Variants in NEGR1 observed in about 807,000 individuals in gnomAD.
The protein encoded by NEGR1 is IgLON family member 4.
A neutral mutation model predicts 40.9 loss-of-function variants in NEGR1; 10 were observed. That is an observed-to-expected ratio of 0.24 (90% CI 0.15 to 0.42). NEGR1 has a LOEUF of 0.42. Ranked by LOEUF, NEGR1 falls within the 10% of genes least tolerant of loss-of-function variation. NEGR1 has a pLI of 1.00. For missense variants in NEGR1, 352 were observed against 438.9 expected (o/e 0.80, Z 1.77); for synonymous variants, 185 against 166.8 (o/e 1.11, Z -0.84).
In NEGR1 at chr1:71,932,781, C is replaced by A. The variant is rs566241304; in HGVS notation, c.409+2298G>T. On this transcript the variant is annotated intron_variant, in intron 2 of 6. Transcript: ENST00000357731. ...AAAGAGCATATGCTTCAAAACTATGCTGATACCCCTGAGCATCAGACAATC... is the reference window on the plus strand; with the variant it reads ...AAAGAGCATATGCTTCAAAACTATGATGATACCCCTGAGCATCAGACAATC... 1.4e-3 allele frequency among the ~76,000 whole-genome samples: 219 copies of A among 152,170 alleles called. 2 individuals carry two copies. Among genetic ancestry groups the A allele is most frequent in the African/African-American group, 5.1e-3 (210 of 41,554 alleles).
chr1:72,087,883 TG>T, intron 1 of NEGR1, among the ~76,000 whole-genome samples: 1 of 151,690 alleles, frequency 6.6e-6, no homozygotes, highest in East Asian at 2.0e-4. Flanking sequence ...TCTGAGTCAC[TG>T]CACCCTGCCA....
rs3795696 is a variant in NEGR1, at chr1:71,592,860, A to T, written c.897T>A (p.Ala299=). The part of the protein sequence containing the change: ...QEHFGNYTCV[A]ANKLGTTNAS... ...CATTGGTTGTGCCTAGCTTGTTGGC[A>T]GCCACACAGGTATAATTGCCGAAGT... The change falls in exon 6 of 7, where the codon GCT becomes GCA. Residue 299 remains alanine (A), a synonymous_variant. Coordinates refer to ENST00000357731, the MANE Select transcript of NEGR1 (RefSeq NM_173808.3). 0.014 allele frequency: 22,416 copies of T among 1,613,452 alleles called. 1,089 individuals carry two copies. Among genetic ancestry groups the T allele is most frequent in the African/African-American group, 0.11 (8,481 of 74,986 alleles).
intron 1 of NEGR1, among the ~76,000 whole-genome samples, chr1:72,103,388 A>G (rs1326129156): frequency 1.3e-5 from 2 of 152,134 alleles, no homozygotes; most frequent in African/African-American, 4.8e-5. Context: ...ATAAAAAGCA[A>G]TTCAGGATGT....
intron 1 of NEGR1, among the ~76,000 whole-genome samples, chr1:71,942,431 T>G (rs1305284185): frequency 1.7e-5 from 2 of 118,944 alleles, no homozygotes; most frequent in Non-Finnish European, 3.4e-5. Flanking sequence ...TTTACTTTAA[T>G]GCACAACTTA....
chr1:71,846,635 C>T (rs1396248355), intron 2 of NEGR1, among the ~76,000 whole-genome samples: 1 of 152,112 alleles, frequency 6.6e-6, no homozygotes, highest in African/African-American at 2.4e-5. Flanking sequence ...TTAGTCCATT[C>T]AGGCTGCTGT....
chr1:71,944,465 G>A (rs941261408), intron 1 of NEGR1, among the ~76,000 whole-genome samples: 1 of 152,054 alleles, frequency 6.6e-6, no homozygotes, highest in African/African-American at 2.4e-5. Context: ...AGTAAGAACA[G>A]TATCAGCAAT....
chr1:71,945,106 TAAC>T (rs1437858721), intron 1 of NEGR1, among the ~76,000 whole-genome samples: 2 of 152,164 alleles, frequency 1.3e-5, no homozygotes, highest in Non-Finnish European at 2.9e-5. Context: ...AACTTTTCCT[TAAC>T]AAACTGTGTA....
At chr1:71,826,342 T>C (rs913207444) in intron 2 of NEGR1, among the ~76,000 whole-genome samples, 1 of 151,932 alleles carries the variant, frequency 6.6e-6, no homozygotes, top group Admixed American at 6.6e-5. Context: ...AGTTTACTTT[T>C]CTTACCACAA....
intron 2 of NEGR1, among the ~76,000 whole-genome samples, chr1:71,898,898 A>AATATATATATATATTGCAAAT (rs1258539926): frequency 2.9e-5 from 4 of 136,456 alleles, no homozygotes; most frequent in Admixed American, 7.4e-5. Flanking sequence ...ATATATTGCA[A>AATATATATATATATTGCAAAT]ATATATATAT....
intron 6 of NEGR1, among the ~76,000 whole-genome samples, chr1:71,589,518 G>C (rs536305560): frequency 6.6e-6 from 1 of 151,972 alleles, no homozygotes; most frequent in South Asian, 2.1e-4. Context: ...ATCTAGAAAT[G>C]ACCTAATTTT....
chr1:71,800,436 G>A (rs72948024), intron 2 of NEGR1, among the ~76,000 whole-genome samples: 1 of 152,034 alleles, frequency 6.6e-6, no homozygotes, highest in African/African-American at 2.4e-5. Context: ...CCTATGTCCT[G>A]AATGGTATTG....
chr1:71,672,572 C>T (rs1222004624), intron 4 of NEGR1, among the ~76,000 whole-genome samples: 1 of 152,086 alleles, frequency 6.6e-6, no homozygotes, highest in East Asian at 1.9e-4. Flanking sequence ...GTCAATTAAT[C>T]AGTGTGCTAG....
intron 1 of NEGR1, among the ~76,000 whole-genome samples, chr1:71,955,137 T>C (rs1328684278): frequency 6.6e-6 from 1 of 152,170 alleles, no homozygotes; most frequent in African/African-American, 2.4e-5. Context: ...TAAGATATCC[T>C]TCAAATTATC....
intron 1 of NEGR1, among the ~76,000 whole-genome samples, chr1:72,256,345 T>C (rs1158057056): frequency 6.6e-6 from 1 of 152,224 alleles, no homozygotes; most frequent in Admixed American, 6.5e-5. Flanking sequence ...CAAACAAGTC[T>C]GTTTTCACTG....
intron 4 of NEGR1, among the ~76,000 whole-genome samples, chr1:71,635,260 C>T (rs1337234058): frequency 1.3e-5 from 2 of 152,074 alleles, no homozygotes; most frequent in Non-Finnish European, 1.5e-5. Context: ...AAAGAAGCCT[C>T]TCCCGACTTT....
chr1:71,708,391 C>T (rs1039686165), intron 3 of NEGR1, among the ~76,000 whole-genome samples: 3 of 151,762 alleles, frequency 2.0e-5, no homozygotes, highest in East Asian at 2.0e-4. Flanking sequence ...TTGGAGTGCT[C>T]TAATAGCAGA....
At chr1:71,605,788 C>T (rs1650056956) in intron 5 of NEGR1, among the ~76,000 whole-genome samples, 1 of 152,180 alleles carries the variant, frequency 6.6e-6, no homozygotes, top group South Asian at 2.1e-4. Context: ...CATTGATACT[C>T]TTCATTCCAG....
chr1:71,509,675 T>C (rs1245093808), intron 6 of NEGR1, among the ~76,000 whole-genome samples: 1 of 152,214 alleles, frequency 6.6e-6, no homozygotes, highest in Non-Finnish European at 1.5e-5. Flanking sequence ...TCCCAATATA[T>C]ATGTTAACTC....
At chr1:71,467,405 A>T (rs1396838823) in intron 6 of NEGR1, among the ~76,000 whole-genome samples, 1 of 152,118 alleles carries the variant, frequency 6.6e-6, no homozygotes, top group Non-Finnish European at 1.5e-5. Flanking sequence ...TTGTGCTTGT[A>T]TTTCAAAGTC....
Sources: allele counts gnomAD v4.1 joint callset (sites outside exome capture counted in the v4.1 genomes callset), GRCh38; gene constraint gnomAD v4.1.1; transcripts MANE v1.5; gene names NCBI Gene and HGNC (gene_info 2026-07-23, HGNC 2026-07-21).